LRCH1: variants seen among roughly 807,000 people sequenced by gnomAD.
LRCH1 encodes leucine-rich repeat and calponin homology domain-containing protein 1.
A neutral mutation model predicts 94.9 loss-of-function variants in LRCH1; 23 were observed. The observed-to-expected ratio is 0.24, with a 90% CI of 0.17 to 0.34. The LOEUF (loss-of-function observed/expected upper bound fraction) is 0.34. Ranked by LOEUF, LRCH1 falls within the 10% of genes least tolerant of loss-of-function variation. The pLI is 1.00. For synonymous variants in LRCH1, 364 were observed against 354.9 expected, an observed-to-expected ratio of 1.03 and a Z score of -0.29; for missense variants, 790 against 945.9, an observed-to-expected ratio of 0.84 and a Z score of 2.16.
intron 16 of LRCH1, among the ~76,000 whole-genome samples, chr13:46,720,615 G>A (rs1406207341): frequency 6.6e-6 from 1 of 151,946 alleles, no homozygotes; most frequent in Non-Finnish European, 1.5e-5. Context: ...TTGAAATTTA[G>A]TGATATGAAA....
chr13:46,599,533 G>A (rs1237954303), intron 1 of LRCH1, among the ~76,000 whole-genome samples: 1 of 152,036 alleles, frequency 6.6e-6, no homozygotes, highest in Non-Finnish European at 1.5e-5. Flanking sequence ...TTTTTTGGTA[G>A]CTGACTGATA....
intron 3 of LRCH1, among the ~76,000 whole-genome samples, chr13:46,669,890 T>G (rs971139527): frequency 6.6e-6 from 1 of 152,258 alleles, no homozygotes; most frequent in Non-Finnish European, 1.5e-5. Flanking sequence ...TCCATCCTGA[T>G]CTTGTGTCAG....
Position 46,686,017 on chromosome 13 carries a change from C to T in LRCH1, c.798C>T (p.Asn266=). 3 of 1,605,268 alleles carry T rather than the reference C, an allele frequency of 1.9e-6. No individual in the cohort carries two copies. Among genetic ancestry groups the T allele is most frequent in the Non-Finnish European group, 2.5e-6 (3 of 1,176,736 alleles). Residue 266 remains asparagine, a synonymous_variant, in exon 5 of 20, where the codon AAC becomes AAT. Transcript: ENST00000389797. ...TGCAAGTGTTACTACTTGAGAATAA[C>T]CCTCTGCAGTCTCCTCCAGCACAGG... The part of the protein sequence containing the change: ...KQLQVLLLEN[N]PLQSPPAQIC...
intron 1 of LRCH1, among the ~76,000 whole-genome samples, chr13:46,602,604 ACCC>A (rs1374259256): frequency 1.3e-5 from 2 of 152,204 alleles, no homozygotes; most frequent in Non-Finnish European, 2.9e-5. Flanking sequence ...AATGGCTAGT[ACCC>A]AGAAAGTGCT....
intron 5 of LRCH1, among the ~76,000 whole-genome samples, chr13:46,686,265 A>G (rs903028507): frequency 4.6e-5 from 7 of 152,202 alleles, no homozygotes; most frequent in Non-Finnish European, 1.0e-4. Context: ...TATGCTTACA[A>G]AGTATGGACA....
At chr13:46,708,335 A>C (rs1871879321) in intron 13 of LRCH1, among the ~76,000 whole-genome samples, 1 of 147,686 alleles carries the variant, frequency 6.8e-6, no homozygotes, top group Non-Finnish European at 1.5e-5. Context: ...TGAAGTGCAC[A>C]ATCTCGGCTC....
intron 19 of LRCH1, among the ~76,000 whole-genome samples, chr13:46,737,691 G>T (rs1279451746): frequency 6.6e-6 from 1 of 152,132 alleles, no homozygotes; most frequent in Non-Finnish European, 1.5e-5. Flanking sequence ...ATTAGGCCTT[G>T]ACCCCATGAG....
At chr13:46,639,241 C>CT (rs1372041445) in intron 1 of LRCH1, among the ~76,000 whole-genome samples, 2 of 152,130 alleles carry the variant, frequency 1.3e-5, no homozygotes, top group African/African-American at 2.4e-5. Context: ...ACTTCTCTGC[C>CT]TTTTTTCTGT....
chr13:46,639,980 C>T, intron 1 of LRCH1, among the ~76,000 whole-genome samples: 1 of 152,228 alleles, frequency 6.6e-6, no homozygotes, highest in East Asian at 1.9e-4. Flanking sequence ...CTGCTAACTG[C>T]TTTGCATGCA....
chr13:46,600,006 T>C (rs1448710547), intron 1 of LRCH1, among the ~76,000 whole-genome samples: 2 of 152,252 alleles, frequency 1.3e-5, no homozygotes, highest in African/African-American at 4.8e-5. Context: ...TAAAAATAGC[T>C]TACTTAAAAA....
chr13:46,712,472 C>A (rs370061869), intron 14 of LRCH1, 53 bp from the exon 15 acceptor site: 1 of 1,333,058 alleles, frequency 7.5e-7, no homozygotes, highest in South Asian at 1.2e-5. Context: ...ATACATAGTT[C>A]TTCTGTTTTC....
intron 14 of LRCH1, among the ~76,000 whole-genome samples, 154 bp downstream of exon 14, chr13:46,711,998 A>T (rs1872089589): frequency 6.6e-6 from 1 of 152,232 alleles, no homozygotes; most frequent in African/African-American, 2.4e-5. Context: ...TCATAGCTTT[A>T]TCTGGTCCTA....
chr13:46,706,094 A>G (rs1871745999), intron 13 of LRCH1, among the ~76,000 whole-genome samples: 1 of 152,212 alleles, frequency 6.6e-6, no homozygotes, highest in African/African-American at 2.4e-5. Flanking sequence ...CTTTGTCTCT[A>G]TGTTAAAGAA....
intron 1 of LRCH1, among the ~76,000 whole-genome samples, chr13:46,630,042 C>T (rs544595170): frequency 6.6e-6 from 1 of 152,308 alleles, no homozygotes; most frequent in Admixed American, 6.5e-5. Context: ...CAGAGTGATT[C>T]CTTAGAGCTT....
At position 46,553,492 on chromosome 13, in the gene LRCH1, CCATCAG is replaced by C; in HGVS notation, c.99_104del (p.Gln34_His35del). 1 of 1,547,348 alleles carries C rather than the reference CCATCAG, an allele frequency of 6.5e-7. No individual in the cohort carries two copies. The highest frequency in any genetic ancestry group is 8.7e-7 in the Non-Finnish European group (1 of 1,145,150). ...ATCATCCCCACCACCACCACCACCA[CCATCAG>C]CACCACGGAGGAACCGGCGCCCCCG... On this transcript the variant is annotated inframe_deletion, in exon 1 of 20. Transcript: ENST00000389797.
At chr13:46,559,657 A>G (rs1309133525) in intron 1 of LRCH1, among the ~76,000 whole-genome samples, 1 of 152,258 alleles carries the variant, frequency 6.6e-6, no homozygotes, top group Non-Finnish European at 1.5e-5. Flanking sequence ...TTCTAGAATA[A>G]TAGCATACAA....
chr13:46,692,422 A>G, intron 7 of LRCH1, 114 bp from the exon 8 acceptor site: 1 of 765,670 alleles, frequency 1.3e-6, no homozygotes, highest in Non-Finnish European at 2.1e-6. Context: ...CTGGCAACTT[A>G]TATTCAATAT....
In LRCH1 at chr13:46,730,863, C is replaced by T. The variant is rs115619136; in HGVS notation, c.2007+1879C>T. Reference sequence around the variant, plus strand: ...AATGTACAATGATCATTTTACAAGACGTAAGAGGACATCATGAATTGTGTA... The same window carrying T: ...AATGTACAATGATCATTTTACAAGATGTAAGAGGACATCATGAATTGTGTA... On this transcript the variant is annotated intron_variant, in intron 18 of 19. Transcript: ENST00000389797. Among the ~76,000 whole-genome samples the T allele has an allele frequency of 4.4e-3, 666 of 152,224 alleles. 5 individuals are homozygous for T. The highest frequency in any genetic ancestry group is 0.015 in the African/African-American group (603 of 41,538).
At chr13:46,622,184 A>G (rs1423104575) in intron 1 of LRCH1, among the ~76,000 whole-genome samples, 2 of 107,010 alleles carry the variant, frequency 1.9e-5, no homozygotes, top group African/African-American at 8.5e-5. Flanking sequence ...ACTAATTTCT[A>G]TGGGTTTTTT....
Sources: allele counts gnomAD v4.1 joint callset (sites outside exome capture counted in the v4.1 genomes callset), GRCh38; gene constraint gnomAD v4.1.1; transcripts MANE v1.5; gene names NCBI Gene and HGNC (gene_info 2026-07-23, HGNC 2026-07-21).